Variants in PNLIPRP3 observed in about 807,000 individuals in gnomAD.
PNLIPRP3 encodes pancreatic lipase related protein 3, also known as pancreatic lipase-related protein 3.
A neutral mutation model predicts 52.8 loss-of-function variants in PNLIPRP3; 58 were observed. The observed-to-expected ratio is 1.10, with a 90% CI of 0.89 to 1.37. The LOEUF is 1.37. PNLIPRP3 is among the 40% of genes most tolerant of loss of function. PNLIPRP3 has a pLI of 0.00. For synonymous variants in PNLIPRP3, 192 were observed against 185.0 expected (o/e 1.04, Z -0.31); for missense variants, 593 against 561.6 (o/e 1.06, Z -0.57).
At chr10:116,435,903 C>G (rs1279723708) in intron 1 of PNLIPRP3, among the ~76,000 whole-genome samples, 1 of 152,104 alleles carries the variant, frequency 6.6e-6, no homozygotes, top group Non-Finnish European at 1.5e-5. Context: ...GAAAGAAGAA[C>G]AAAGCTGGAA....
intron 10 of PNLIPRP3, among the ~76,000 whole-genome samples, chr10:116,473,403 T>C (rs986992324): frequency 6.6e-6 from 1 of 152,234 alleles, no homozygotes; most frequent in Non-Finnish European, 1.5e-5. Context: ...AATGATGGTA[T>C]ATAAGGTATA....
chr10:116,463,422 T>C (rs935499252), intron 7 of PNLIPRP3, among the ~76,000 whole-genome samples: 1 of 152,208 alleles, frequency 6.6e-6, no homozygotes, highest in African/African-American at 2.4e-5. Flanking sequence ...TCTGTCATCC[T>C]TCAGGACCTC....
At chr10:116,455,390 G>C (rs1170431637) in intron 4 of PNLIPRP3, among the ~76,000 whole-genome samples, 1 of 152,188 alleles carries the variant, frequency 6.6e-6, no homozygotes, top group African/African-American at 2.4e-5. Flanking sequence ...TTGTGAGCAT[G>C]CTGAAAGGAT....
At chr10:116,443,799 GTGCATATATATA>G (rs1221393284) in intron 3 of PNLIPRP3, among the ~76,000 whole-genome samples, 10 of 7,708 alleles carry the variant, frequency 1.3e-3, no homozygotes, top group South Asian at 0.045. Flanking sequence ...GTATGTGTGT[GTGCATATATATA>G]TATATATATA....
At chr10:116,429,747 A>T (rs1015023273) in intron 1 of PNLIPRP3, among the ~76,000 whole-genome samples, 1 of 152,318 alleles carries the variant, frequency 6.6e-6, no homozygotes, top group Non-Finnish European at 1.5e-5. Context: ...GTTTGCCCTG[A>T]TCTGCTGAGA....
At chr10:116,437,222 G>A (rs1845786993) in intron 2 of PNLIPRP3, among the ~76,000 whole-genome samples, 1 of 152,146 alleles carries the variant, frequency 6.6e-6, no homozygotes, top group South Asian at 2.1e-4. Flanking sequence ...TTATTGCAGT[G>A]GGAGAAATGA....
At chr10:116,436,936 A>T (rs1845783068) in intron 2 of PNLIPRP3, 71 bp downstream of exon 2, 3 of 1,393,334 alleles carry the variant, frequency 2.2e-6, no homozygotes, top group East Asian at 2.3e-5. Flanking sequence ...TACAGAAGAC[A>T]TAGATACAGT....
At chr10:116,459,853 C>T (rs1846166271) in intron 5 of PNLIPRP3, among the ~76,000 whole-genome samples, 1 of 152,166 alleles carries the variant, frequency 6.6e-6, no homozygotes, top group Non-Finnish European at 1.5e-5. Flanking sequence ...CTGCAACCTC[C>T]ACCTCCTTGA....
intron 10 of PNLIPRP3, among the ~76,000 whole-genome samples, chr10:116,475,057 G>C (rs1019884305): frequency 2.0e-5 from 3 of 152,164 alleles, no homozygotes; most frequent in Non-Finnish European, 4.4e-5. Context: ...TGACAGACTG[G>C]ATAAAGAAAA....
chr10:116,477,267 G>C lies in PNLIPRP3; in HGVS notation c.*114G>C, dbSNP rs1255265963. The C allele has an allele frequency of 5.0e-6, 4 of 800,830 alleles. No individual in the cohort carries two copies. The highest frequency in any genetic ancestry group is 7.9e-6 in the Non-Finnish European group (4 of 504,714). The allele number at this position is 800,830 out of a possible 1,614,324, so 49.6% of individuals were successfully genotyped here. The stretch of plus-strand genomic sequence containing the variant: ...TTGTAAATGACTTAGTCATTTACAA[G>C]GGTCTTACTCAGAGTCAAGTACGGG... On this transcript the variant is annotated 3_prime_UTR_variant, in exon 12 of 12. Coordinates refer to ENST00000369230, the MANE Select transcript of PNLIPRP3 (RefSeq NM_001011709.3).
At chr10:116,447,084 A>G (rs1035682418) in intron 4 of PNLIPRP3, among the ~76,000 whole-genome samples, 11 of 152,170 alleles carry the variant, frequency 7.2e-5, no homozygotes, top group African/African-American at 2.2e-4. Context: ...AGACAAACAA[A>G]GTGATTGAGT....
intron 2 of PNLIPRP3, 115 bp downstream of exon 2, chr10:116,436,980 C>A: frequency 9.3e-7 from 1 of 1,080,496 alleles, no homozygotes; most frequent in Non-Finnish European, 1.3e-6. Flanking sequence ...GACTTAAATG[C>A]AAACATTTCT....
intron 10 of PNLIPRP3, among the ~76,000 whole-genome samples, chr10:116,472,611 A>T (rs1359668382): frequency 5.3e-5 from 8 of 152,206 alleles, no homozygotes; most frequent in African/African-American, 1.9e-4. Flanking sequence ...TTATTTTGTC[A>T]GTTGAGAGAT....
intron 5 of PNLIPRP3, among the ~76,000 whole-genome samples, chr10:116,457,656 C>CAGAAAAA: frequency 6.6e-6 from 1 of 152,068 alleles, no homozygotes. Flanking sequence ...TTTTCAAGCC[C>CAGAAAAA]AGAAAAAAGA....
chr10:116,456,066 C>T (rs1359243014), intron 5 of PNLIPRP3, among the ~76,000 whole-genome samples: 1 of 152,214 alleles, frequency 6.6e-6, no homozygotes, highest in Admixed American at 6.5e-5. Flanking sequence ...TGTTCCCTCA[C>T]CCGCAATTGA....
At chr10:116,470,827 A>C (rs1404929759) in intron 9 of PNLIPRP3, among the ~76,000 whole-genome samples, 2 of 152,104 alleles carry the variant, frequency 1.3e-5, no homozygotes, top group Non-Finnish European at 2.9e-5. Flanking sequence ...TATTTTTATG[A>C]CTTCTAAAAA....
At chr10:116,458,190 C>T (rs184512220) in intron 5 of PNLIPRP3, among the ~76,000 whole-genome samples, 1 of 152,114 alleles carries the variant, frequency 6.6e-6, no homozygotes, top group African/African-American at 2.4e-5. Flanking sequence ...TATTTATAAA[C>T]AGTATCAACG....
At chr10:116,439,820 T>C in intron 2 of PNLIPRP3, 2 of 776,480 alleles carry the variant, frequency 2.6e-6, no homozygotes, top group Middle Eastern at 2.9e-4. Context: ...TCATAATCCT[T>C]CATTTCCCGA....
At chr10:116,461,862 C>T (rs1564702216) in intron 7 of PNLIPRP3, among the ~76,000 whole-genome samples, 1 of 152,012 alleles carries the variant, frequency 6.6e-6, no homozygotes, top group African/African-American at 2.4e-5. Context: ...CATTCCAGGC[C>T]AACAGGGGGA....
Sources: allele counts gnomAD v4.1 joint callset (sites outside exome capture counted in the v4.1 genomes callset), GRCh38; gene constraint gnomAD v4.1.1; transcripts MANE v1.5; gene names NCBI Gene and HGNC (gene_info 2026-07-23, HGNC 2026-07-21).